Variants in ZNF664 observed in about 807,000 individuals in gnomAD.
The protein encoded by ZNF664 is zinc finger protein 664.
In ZNF664, 10 loss-of-function variants were observed where a neutral mutation model predicts 18.2. That is an observed-to-expected ratio of 0.55 (90% CI 0.34 to 0.93). The LOEUF (loss-of-function observed/expected upper bound fraction) is 0.93, where lower values mean the gene tolerates loss of function less well. Ranked by LOEUF, ZNF664 falls within the 40% of genes least tolerant of loss-of-function variation. The pLI is 0.02. For missense variants in ZNF664, 193 were observed against 319.0 expected (o/e 0.61, Z 3.01); for synonymous variants, 119 against 104.2 (o/e 1.14, Z -0.86).
chr12:123,987,947 A>G, intron 2 of ZNF664, 96 bp from the exon 3 acceptor site: 1 of 1,227,384 alleles, frequency 8.1e-7, no homozygotes, highest in African/African-American at 1.6e-5. Context: ...CTGAGCTGGG[A>G]CCCCACGTTT....
intron 2 of ZNF664, among the ~76,000 whole-genome samples, chr12:123,980,506 T>G (rs369623122): frequency 6.6e-6 from 1 of 152,236 alleles, no homozygotes; most frequent in South Asian, 2.1e-4. Context: ...GCACAAAATA[T>G]GTATATTGTA....
At chr12:123,988,742 CTTTGGA>C (rs897390093) in intron 3 of ZNF664, among the ~76,000 whole-genome samples, 36 of 150,340 alleles carry the variant, frequency 2.4e-4, no homozygotes, top group Admixed American at 6.7e-4. Flanking sequence ...TTTGTTTTCT[CTTTGGA>C]TTTGTTCTTT....
At chr12:123,991,185 G>T (rs1367074273) in intron 3 of ZNF664, among the ~76,000 whole-genome samples, 1 of 152,186 alleles carries the variant, frequency 6.6e-6, no homozygotes, top group Non-Finnish European at 1.5e-5. Flanking sequence ...TGTATGTGGG[G>T]TTCACGTAGG....
Position 123,988,139 on chromosome 12 carries a change from G to A in ZNF664, c.-661+1G>A, listed in dbSNP as rs1186603022. ...TGGGGGTTTTGATCCTGTCACTGTG[G>A]TAAGTTTTCCCCTTGTTTCACCATT... On this transcript the variant is annotated splice_donor_variant, in intron 3 of 4. Coordinates refer to ENST00000337815, the MANE Select transcript of ZNF664 (RefSeq NM_152437.3). LOFTEE classifies it low-confidence loss of function (5UTR_SPLICE). The A allele has an allele frequency of 6.5e-6, 8 of 1,231,286 alleles. No homozygotes were observed. The highest frequency in any genetic ancestry group is 8.1e-6 in the Non-Finnish European group (8 of 987,814). The allele number at this position is 1,231,286 out of a possible 1,614,324, so 76.3% of individuals were successfully genotyped here.
In ZNF664 at chr12:123,993,680, G is replaced by A. The variant is rs1034208007; in HGVS notation, c.-661+5542G>A. Among the ~76,000 whole-genome samples, 52 of 152,242 alleles carry A rather than the reference G, an allele frequency of 3.4e-4. 1 individual carries two copies. The highest frequency in any genetic ancestry group is 2.5e-3 in the Admixed American group (38 of 15,292). ...ACCCGGTTCCTTTGGCGGTATGTAC[G>A]TCCTGATACCTAAACAACGTTTCCT... On this transcript the variant is annotated intron_variant, in intron 3 of 4. Transcript: ENST00000337815.
intron 3 of ZNF664, among the ~76,000 whole-genome samples, chr12:124,005,482 AATGTGTGTGTGT>A (rs1040487847): frequency 3.3e-5 from 3 of 91,952 alleles, no homozygotes; most frequent in East Asian, 2.4e-4. Context: ...TAATTTATAG[AATGTGTGTGTGT>A]GTGTGTGTGT....
chr12:123,990,766 G>T (rs1956879695), intron 3 of ZNF664, among the ~76,000 whole-genome samples: 6 of 152,244 alleles, frequency 3.9e-5, no homozygotes, highest in Admixed American at 3.9e-4. Context: ...AAATCCAGTA[G>T]TCAGCCAAAG....
At chr12:123,997,751 TCAACCC>T (rs1315483674) in intron 3 of ZNF664, 14 of 152,352 alleles carry the variant, frequency 9.2e-5, no homozygotes, top group African/African-American at 3.4e-4. Flanking sequence ...GAGACACTAT[TCAACCC>T]AGTATACTTT....
intron 3 of ZNF664, among the ~76,000 whole-genome samples, chr12:123,989,834 C>G (rs1301884804): frequency 6.6e-6 from 1 of 152,206 alleles, no homozygotes; most frequent in African/African-American, 2.4e-5. Context: ...CCCTGGCCCT[C>G]TCTGAGAGTA....
chr12:124,001,433 C>T (rs1285224998), intron 3 of ZNF664, among the ~76,000 whole-genome samples: 1 of 152,174 alleles, frequency 6.6e-6, no homozygotes, highest in African/African-American at 2.4e-5. Flanking sequence ...TAGCTTCTAC[C>T]CTCTCATCTG....
rs1187070510 is a variant in ZNF664 at position 123,974,069 on chromosome 12, C to T, written c.-757+49C>T. ...CACTTCCCTCTGACTCCCGCCTCCG[C>T]AGGCGTTCTCACCCCTTCCAGGACT... is the stretch of plus-strand genomic sequence containing the variant. On this transcript the variant is annotated intron_variant, in intron 2 of 4. Transcript: ENST00000337815. 6 of 1,154,988 alleles carry T rather than the reference C, an allele frequency of 5.2e-6. No individual in the cohort carries two copies. In the East Asian group the frequency reaches 1.9e-4, roughly 37 times the overall value. The allele number at this position is 1,154,988 out of a possible 1,614,324, so 71.5% of individuals were successfully genotyped here.
chr12:123,977,478 A>C (rs998173941), intron 2 of ZNF664, among the ~76,000 whole-genome samples: 1 of 150,582 alleles, frequency 6.6e-6, no homozygotes, highest in Non-Finnish European at 1.5e-5. Context: ...AAAAAAAAAA[A>C]AACCCTAAAC....
chr12:123,992,025 A>G (rs1313976889), intron 3 of ZNF664, among the ~76,000 whole-genome samples: 1 of 152,230 alleles, frequency 6.6e-6, no homozygotes, highest in Non-Finnish European at 1.5e-5. Context: ...GAATTTCCGC[A>G]GGACAAAATG....
chr12:123,977,494 A>G (rs1956709836), intron 2 of ZNF664, among the ~76,000 whole-genome samples: 1 of 151,782 alleles, frequency 6.6e-6, no homozygotes, highest in African/African-American at 2.4e-5. Flanking sequence ...TAAACAAGAA[A>G]CTGGCTCTGA....
intron 2 of ZNF664, among the ~76,000 whole-genome samples, chr12:123,982,948 A>G (rs1030738032): frequency 3.3e-5 from 5 of 152,108 alleles, no homozygotes; most frequent in African/African-American, 1.2e-4. Flanking sequence ...TGAGGCTGGG[A>G]GTTTGAGACC....
rs1312592261 is a variant in ZNF664, at chr12:123,973,966, C to G, written c.-811C>G. 3 of 1,231,816 alleles carry G rather than the reference C, an allele frequency of 2.4e-6. No individual in the cohort carries two copies. The Admixed American group carries it at 1.3e-4, about 52-fold the overall frequency. 76.3% of individuals were successfully genotyped at this position (1,231,816 alleles called of 1,614,324 possible). ...CTCGCGCACCCAGCGCAGAAGGCTG[C>G]TGCCGCCGGACGCCTCCATTGTTTG... On this transcript the variant is annotated 5_prime_UTR_variant, in exon 2 of 5. Coordinates refer to ENST00000337815, the MANE Select transcript of ZNF664 (RefSeq NM_152437.3).
At chr12:123,978,740 G>C (rs1362497881) in intron 2 of ZNF664, among the ~76,000 whole-genome samples, 1 of 152,176 alleles carries the variant, frequency 6.6e-6, no homozygotes, top group Non-Finnish European at 1.5e-5. Flanking sequence ...AGTGTTGGGG[G>C]ATTTGCTATA....
chr12:123,993,267 C>T (rs1956909371), intron 3 of ZNF664, among the ~76,000 whole-genome samples: 5 of 152,068 alleles, frequency 3.3e-5, no homozygotes. Flanking sequence ...GGAAAAGGGC[C>T]CTGGCTTCTT....
intron 3 of ZNF664, among the ~76,000 whole-genome samples, chr12:124,000,385 C>T (rs986104464): frequency 2.0e-5 from 3 of 152,178 alleles, no homozygotes; most frequent in African/African-American, 4.8e-5. Context: ...CATAGAGGCC[C>T]GTCCTTCTCC....
Sources: allele counts gnomAD v4.1 joint callset (sites outside exome capture counted in the v4.1 genomes callset), GRCh38; gene constraint gnomAD v4.1.1; transcripts MANE v1.5; gene names NCBI Gene and HGNC (gene_info 2026-07-23, HGNC 2026-07-21).